Variants in C4orf17 observed in about 807,000 individuals in gnomAD.
C4orf17 encodes chromosome 4 open reading frame 17, also known as uncharacterized protein C4orf17.
Under a neutral mutation model 32.0 loss-of-function variants are expected in C4orf17, and 25 were observed. The ratio of observed to expected loss-of-function variants is 0.78; its 90% CI spans 0.57 to 1.09. C4orf17 has a LOEUF of 1.09. Ranked by LOEUF, C4orf17 falls within the 50% of genes least tolerant of loss-of-function variation. C4orf17 has a pLI of 0.00. For synonymous variants in C4orf17, 149 were observed against 145.8 expected (o/e 1.02, Z -0.16); for missense variants, 420 against 420.0 (o/e 1.00, Z 0.00).
chr4:99,522,428 T>C, intron 2 of C4orf17, 72 bp from the exon 3 acceptor site: 2 of 1,188,226 alleles, frequency 1.7e-6, no homozygotes, highest in Non-Finnish European at 2.4e-6. Context: ...TTGTTGATCA[T>C]TCAAAGAAAA....
At chr4:99,529,752 A>C in intron 4 of C4orf17, 63 bp from the exon 5 acceptor site, 1 of 1,356,698 alleles carries the variant, frequency 7.4e-7, no homozygotes, top group Middle Eastern at 1.9e-4. Context: ...TTTTACATTG[A>C]ATTTTCATAG....
chr4:99,541,633 G>T, intron 8 of C4orf17: 1 of 334,340 alleles, frequency 3.0e-6, no homozygotes, highest in South Asian at 3.2e-5. Context: ...TTCTCTCACT[G>T]TCACTCTTAC....
intron 5 of C4orf17, among the ~76,000 whole-genome samples, chr4:99,535,811 C>A (rs972854311): frequency 6.6e-6 from 1 of 152,184 alleles, no homozygotes; most frequent in African/African-American, 2.4e-5. Flanking sequence ...GGAGAAGCAG[C>A]ACCCTGGCTT....
chr4:99,534,696 C>T (rs1008265236), intron 5 of C4orf17, among the ~76,000 whole-genome samples: 1 of 152,136 alleles, frequency 6.6e-6, no homozygotes, highest in African/African-American at 2.4e-5. Context: ...GATGGTATCT[C>T]ATTGTGGTTT....
chr4:99,535,253 TC>T (rs1723543622), intron 5 of C4orf17, among the ~76,000 whole-genome samples: 1 of 152,148 alleles, frequency 6.6e-6, no homozygotes, highest in Admixed American at 6.5e-5. Flanking sequence ...ACCAGGGTTC[TC>T]CAGATTTCCT....
intron 7 of C4orf17, among the ~76,000 whole-genome samples, chr4:99,539,946 A>C (rs1156950674): frequency 6.6e-6 from 1 of 152,150 alleles, no homozygotes; most frequent in African/African-American, 2.4e-5. Flanking sequence ...AGAAAAATAT[A>C]TATTTATGTA....
intron 6 of C4orf17, among the ~76,000 whole-genome samples, chr4:99,538,244 A>T (rs1228718563): frequency 6.6e-6 from 1 of 152,212 alleles, no homozygotes; most frequent in Non-Finnish European, 1.5e-5. Flanking sequence ...CTGTTCCATG[A>T]AAACACATGC....
Position 99,537,666 on chromosome 4 carries a change from C to T in C4orf17, c.547-3C>T. ...CATATGTAACTCTAATGTTCTCTGT[C>T]AGATCCTGGCAAAGCTCTGTAGCAT... On this transcript the variant is annotated splice_polypyrimidine_tract_variant and splice_region_variant and intron_variant, in intron 5 of 8. Coordinates refer to ENST00000326581, the MANE Select transcript of C4orf17 (RefSeq NM_032149.3). 1.2e-6 allele frequency: 2 copies of T among 1,609,254 alleles called. No homozygotes were observed. Among genetic ancestry groups the T allele is most frequent in the African/African-American group, 1.3e-5 (1 of 74,980 alleles).
rs543087708 is a variant in C4orf17, at chr4:99,537,762, A to G, written c.628+12A>G. On this transcript the variant is annotated intron_variant, in intron 6 of 8. Transcript: ENST00000326581. ...TGCAACTTCAAAAGGTGCGATTAAG[A>G]TATAAATTTTAAAACACTGAGCTCA... 32 of 1,599,586 alleles carry G rather than the reference A, an allele frequency of 2.0e-5. No individual in the cohort carries two copies. The South Asian group carries it at 3.2e-4, about 16-fold the overall frequency.
At chr4:99,537,837 T>G in intron 6 of C4orf17, 87 bp downstream of exon 6, 2 of 956,580 alleles carry the variant, frequency 2.1e-6, no homozygotes, top group Non-Finnish European at 3.4e-6. Flanking sequence ...TTTTGTACCT[T>G]GGATTTGCAA....
intron 8 of C4orf17, 105 bp downstream of exon 8, chr4:99,540,560 A>C (rs896982003): frequency 1.4e-6 from 1 of 705,810 alleles, no homozygotes; most frequent in Non-Finnish European, 2.5e-6. Context: ...AAAAAACAGA[A>C]AAATACAATA....
chr4:99,523,187 T>C (rs1226311775), intron 3 of C4orf17, among the ~76,000 whole-genome samples: 1 of 152,204 alleles, frequency 6.6e-6, no homozygotes, highest in Non-Finnish European at 1.5e-5. Flanking sequence ...TGCCTGGTCC[T>C]TAGTAAACAA....
chr4:99,531,124 T>TG (rs1560589616), intron 5 of C4orf17, among the ~76,000 whole-genome samples: 1 of 65,234 alleles, frequency 1.5e-5, no homozygotes, highest in Non-Finnish European at 3.2e-5. Flanking sequence ...TACCCTTTGT[T>TG]TTTTTTTGCA....
chr4:99,525,012 A>G (rs886550176), intron 4 of C4orf17, among the ~76,000 whole-genome samples: 2 of 152,214 alleles, frequency 1.3e-5, no homozygotes, highest in Admixed American at 6.5e-5. Context: ...ATGTGCATCA[A>G]TAGTTCATTC....
At chr4:99,515,194 A>G (rs571653485) in intron 2 of C4orf17, among the ~76,000 whole-genome samples, 8 of 152,322 alleles carry the variant, frequency 5.3e-5, no homozygotes, top group African/African-American at 1.7e-4. Context: ...AGAAATCACC[A>G]CTAAAGAACT....
intron 5 of C4orf17, among the ~76,000 whole-genome samples, chr4:99,535,569 T>C (rs1723547830): frequency 6.6e-6 from 1 of 152,242 alleles, no homozygotes; most frequent in Non-Finnish European, 1.5e-5. Flanking sequence ...GTTCTTGTGT[T>C]TTTCAGCTCC....
chr4:99,525,453 A>G (rs1387312098), intron 4 of C4orf17, among the ~76,000 whole-genome samples: 3 of 152,124 alleles, frequency 2.0e-5, no homozygotes, highest in Non-Finnish European at 4.4e-5. Flanking sequence ...TGCCATGTAT[A>G]TATCTTTTTA....
In C4orf17 at chr4:99,524,889, A is replaced by G. The variant is rs1560587850; in HGVS notation, c.402+304A>G. 4.6e-5 allele frequency among the ~76,000 whole-genome samples: 7 copies of G among 152,302 alleles called. No homozygotes were observed. In the South Asian group the frequency reaches 1.5e-3, roughly 32 times the overall value. ...GTTTGTCTGCTTTCTGTCACTAAAC[A>G]TTAGCATGGACTTTTTTGGATTTTA... On this transcript the variant is annotated intron_variant, in intron 4 of 8. Coordinates refer to ENST00000326581, the MANE Select transcript of C4orf17 (RefSeq NM_032149.3).
At chr4:99,511,892 T>C (rs980561596) in intron 1 of C4orf17, among the ~76,000 whole-genome samples, 3 of 152,300 alleles carry the variant, frequency 2.0e-5, no homozygotes, top group Non-Finnish European at 4.4e-5. Context: ...TCTACATATA[T>C]TTTACCCAAC....
Sources: gnomAD v4.1 joint callset for allele counts (sites outside exome capture counted in the v4.1 genomes callset) on GRCh38, gnomAD v4.1.1 for gene constraint, MANE v1.5 for transcripts, NCBI Gene and HGNC (gene_info 2026-07-23, HGNC 2026-07-21) for gene names.